Variants in LARGE1 observed in about 807,000 individuals in gnomAD.
LARGE1 encodes the protein LARGE xylosyl- and glucuronyltransferase 1.
LARGE1 carries 43 observed loss-of-function variants against 87.6 expected under a neutral mutation model. That is an observed-to-expected ratio of 0.49 (90% CI 0.38 to 0.63). The LOEUF is 0.63. Ranked by LOEUF, LARGE1 falls within the 30% of genes least tolerant of loss-of-function variation. LARGE1 has a pLI of 0.00. For synonymous variants in LARGE1, 434 were observed against 394.6 expected, an observed-to-expected ratio of 1.10 and a Z score of -1.18; for missense variants, 802 against 1,000.2, an observed-to-expected ratio of 0.80 and a Z score of 2.67.
intron 5 of LARGE1, 101 bp from the exon 6 acceptor site, chr22:33,565,120 G>A (rs1602461606): frequency 9.6e-7 from 1 of 1,041,024 alleles, no homozygotes; most frequent in Admixed American, 2.1e-5. Context: ...CACACAAAAA[G>A]TATCCAATAA....
rs1308084572 is a variant in LARGE1, at chr22:33,503,251, T to TG, written c.787+61596_787+61597insC. On this transcript the variant is annotated intron_variant, in intron 6 of 14. Transcript: ENST00000397394. Reference sequence around the variant, plus strand: ...TGGTTTAGGAGTTCCCCTTTTTTTTTTTTTTTTGTTTTTTTTTTTGTTTGA... The same window carrying TG: ...TGGTTTAGGAGTTCCCCTTTTTTTTTGTTTTTTTGTTTTTTTTTTTGTTTGA... Among the ~76,000 whole-genome samples, 177 of 149,692 alleles carry TG rather than the reference T, an allele frequency of 1.2e-3. 1 individual carries two copies. Among genetic ancestry groups the TG allele is most frequent in the African/African-American group, 4.3e-3 (172 of 40,424 alleles).
intron 10 of LARGE1, among the ~76,000 whole-genome samples, chr22:33,329,280 C>G (rs1307646710): frequency 4.0e-5 from 6 of 150,952 alleles, no homozygotes; most frequent in African/African-American, 1.2e-4. Flanking sequence ...ACTTACAATT[C>G]CATATACATT....
the LARGE1 span, among the ~76,000 whole-genome samples, chr22:33,149,040 CTT>C: frequency 6.6e-5 from 9 of 136,904 alleles, no homozygotes; most frequent in Admixed American, 7.3e-5. Context: ...TTCTTTTTTT[CTT>C]TTTTTTTTTT....
intron 5 of LARGE1, among the ~76,000 whole-genome samples, chr22:33,568,455 A>G (rs2078093151): frequency 6.6e-6 from 1 of 152,178 alleles, no homozygotes; most frequent in South Asian, 2.1e-4. Context: ...AAATTAAATG[A>G]ACAACAACAA....
At chr22:33,718,610 C>T (rs2082982316) in intron 2 of LARGE1, among the ~76,000 whole-genome samples, 1 of 152,224 alleles carries the variant, frequency 6.6e-6, no homozygotes, top group South Asian at 2.1e-4. Flanking sequence ...CATCCTGATC[C>T]ACAGTTATTT....
At chr22:33,353,107 C>T (rs1224342146) in intron 9 of LARGE1, among the ~76,000 whole-genome samples, 1 of 152,174 alleles carries the variant, frequency 6.6e-6, no homozygotes, top group African/African-American at 2.4e-5. Flanking sequence ...GAATTTACAA[C>T]CACTATCATT....
chr22:33,860,735 G>A (rs2063893614), intron 1 of LARGE1, among the ~76,000 whole-genome samples: 3 of 152,270 alleles, frequency 2.0e-5, no homozygotes, highest in South Asian at 2.1e-4. Context: ...AGGGCAAAGC[G>A]GGGGCAAGAC....
chr22:33,455,940 T>A (rs189297846), intron 6 of LARGE1, among the ~76,000 whole-genome samples: 104 of 152,278 alleles, frequency 6.8e-4, no homozygotes, highest in Non-Finnish European at 1.1e-3. Context: ...GACATCTAAC[T>A]CTAATTGGTG....
chr22:33,477,704 A>G (rs2069138723), intron 6 of LARGE1, among the ~76,000 whole-genome samples: 1 of 152,232 alleles, frequency 6.6e-6, no homozygotes, highest in South Asian at 2.1e-4. Context: ...GGTTAGAACC[A>G]GTATGGCTAT....
chr22:33,687,303 A>C (rs1337302361), intron 2 of LARGE1, among the ~76,000 whole-genome samples: 1 of 149,326 alleles, frequency 6.7e-6, no homozygotes, highest in Non-Finnish European at 1.5e-5. Flanking sequence ...CCTCAAGCTG[A>C]CCTCTTCAAA....
Position 33,503,921 on chromosome 22 carries a change from T to C in LARGE1, c.787+60927A>G, listed in dbSNP as rs536210234. 8.5e-4 allele frequency among the ~76,000 whole-genome samples: 129 copies of C among 152,344 alleles called. 2 individuals are homozygous for C. The highest frequency in any genetic ancestry group is 1.9e-3 in the South Asian group (9 of 4,832). ...GGATAAACAAAATGTGGTTTAGCCA[T>C]ACCATGGAATATTATTGTGGCATAA... On this transcript the variant is annotated intron_variant, in intron 6 of 14. Transcript: ENST00000397394.
intron 1 of LARGE1, among the ~76,000 whole-genome samples, chr22:33,791,017 C>T (rs2145982859): frequency 6.6e-6 from 1 of 152,234 alleles, no homozygotes; most frequent in Non-Finnish European, 1.5e-5. Context: ...ATTTTACCTA[C>T]CACAAACACA....
chr22:33,757,828 C>T (rs1210255860), intron 2 of LARGE1, among the ~76,000 whole-genome samples: 1 of 152,104 alleles, frequency 6.6e-6, no homozygotes, highest in East Asian at 1.9e-4. Flanking sequence ...AAGAAAATAA[C>T]GTCTCTGCGG....
At chr22:33,305,710 A>C (rs1934783285) in intron 11 of LARGE1, 1 of 460,878 alleles carries the variant, frequency 2.2e-6, no homozygotes, top group African/African-American at 2.1e-5. Flanking sequence ...AATTCTGTTA[A>C]GTGGCACTGC....
chr22:33,893,776 C>T (rs948424806), intron 1 of LARGE1, among the ~76,000 whole-genome samples: 1 of 152,136 alleles, frequency 6.6e-6, no homozygotes, highest in Non-Finnish European at 1.5e-5. Context: ...TCTCATCAAG[C>T]GGTATTCAGG....
chr22:33,727,465 G>A (rs2083305645), intron 2 of LARGE1: 1 of 152,212 alleles, frequency 6.6e-6, no homozygotes, highest in Non-Finnish European at 1.5e-5. Context: ...TGTATCTAAT[G>A]CCCTGTTTCT....
At chr22:33,880,856 G>A (rs549636918) in intron 1 of LARGE1, among the ~76,000 whole-genome samples, 82 of 152,242 alleles carry the variant, frequency 5.4e-4, no homozygotes, top group African/African-American at 1.9e-3. Flanking sequence ...TCTGTGGACA[G>A]CCAACCCAGC....
intron 4 of LARGE1, among the ~76,000 whole-genome samples, chr22:33,621,137 C>T (rs940517156): frequency 1.3e-5 from 2 of 152,080 alleles, no homozygotes; most frequent in Admixed American, 6.5e-5. Context: ...TCATGGTATG[C>T]CATACTTTTC....
At chr22:33,890,459 C>T (rs1032162432) in intron 1 of LARGE1, among the ~76,000 whole-genome samples, 1 of 151,924 alleles carries the variant, frequency 6.6e-6, no homozygotes, top group Non-Finnish European at 1.5e-5. Context: ...CATATTTTAT[C>T]TCTGTTTCAC....
Sources: gnomAD v4.1 joint callset for allele counts (sites outside exome capture counted in the v4.1 genomes callset) on GRCh38, gnomAD v4.1.1 for gene constraint, MANE v1.5 for transcripts, NCBI Gene and HGNC (gene_info 2026-07-23, HGNC 2026-07-21) for gene names.